The following CLSTN1 variants were observed in gnomAD, a reference collection of about 807,000 sequenced individuals.
CLSTN1 encodes calsyntenin-1.
CLSTN1 carries 28 observed loss-of-function variants against 108.3 expected under a neutral mutation model. The observed-to-expected ratio is 0.26, with a 90% CI of 0.19 to 0.35. The LOEUF (loss-of-function observed/expected upper bound fraction) is 0.35, where lower values mean the gene tolerates loss of function less well. Ranked by LOEUF, CLSTN1 falls within the 10% of genes least tolerant of loss-of-function variation. The probability of loss-of-function intolerance (pLI) is 1.00; values close to 1 mark genes in which losing one functional copy is unlikely to be tolerated. For synonymous variants in CLSTN1, 524 were observed against 534.9 expected (o/e 0.98, Z 0.28); for missense variants, 1,157 against 1,302.6 (o/e 0.89, Z 1.72).
intron 11 of CLSTN1, 97 bp downstream of exon 11, chr1:9,737,401 C>T: frequency 8.7e-7 from 1 of 1,149,274 alleles, no homozygotes; most frequent in African/African-American, 1.5e-5. Flanking sequence ...TGTCCAGGAC[C>T]AAAATGCAAC....
At chr1:9,773,171 G>C in intron 2 of CLSTN1, 101 bp downstream of exon 2, 2 of 1,492,976 alleles carry the variant, frequency 1.3e-6, no homozygotes, top group Non-Finnish European at 1.8e-6. Context: ...CTCAGCTATG[G>C]AGACATTTTC....
chr1:9,810,028 G>A (rs989529556), intron 1 of CLSTN1, among the ~76,000 whole-genome samples: 4 of 140,056 alleles, frequency 2.9e-5, no homozygotes, highest in African/African-American at 1.1e-4. Flanking sequence ...AACAGAGGGA[G>A]ACTCTGAGAA....
At chr1:9,797,437 CA>C (rs1260558179) in intron 1 of CLSTN1, among the ~76,000 whole-genome samples, 1 of 152,096 alleles carries the variant, frequency 6.6e-6, no homozygotes, top group Non-Finnish European at 1.5e-5. Context: ...AGTTCAAGAC[CA>C]ACCTGGTCAA....
rs1464177206 is a variant in CLSTN1 at position 9,741,153 on chromosome 1, T to C, written c.1460A>G (p.Asp487Gly). Residue 487 changes from aspartate to glycine, a missense_variant, in exon 10 of 19, where the codon GAT (aspartate) becomes GGT (glycine). Asp to Gly is a moderately conservative substitution (Grantham distance 94). Transcript: ENST00000377298. ...TATCTTGGATGGATGGAGCGGGTAA[T>C]CCTCAGTCACAGAGAAGGGCTCGTG... ...TSHEPFSVTEDYPLHPSKIET... is the reference protein window; with the variant it reads ...TSHEPFSVTEGYPLHPSKIET... 6.2e-7 allele frequency: 1 copy of C among 1,613,994 alleles called. No individual in the cohort carries two copies.
chr1:9,736,155 G>A lies in CLSTN1; in HGVS notation c.1577-113C>T, dbSNP rs1028454994. On this transcript the variant is annotated intron_variant, in intron 11 of 18. Coordinates refer to ENST00000377298, the MANE Select transcript of CLSTN1 (RefSeq NM_001009566.3). ...TGGCAGCTCAGTGGATGGACATGCG[G>A]GTTAGTTCATACCAAGTCCTGTTAG... The A allele has an allele frequency of 1.2e-5, 16 of 1,281,444 alleles. No homozygotes were observed. In the African/African-American group the frequency reaches 2.2e-4, roughly 17 times the overall value. The allele number at this position is 1,281,444 out of a possible 1,614,324, so 79.4% of individuals were successfully genotyped here.
At chr1:9,749,423 CA>C in intron 7 of CLSTN1, 37 bp downstream of exon 7, 1 of 1,573,320 alleles carries the variant, frequency 6.4e-7, no homozygotes, top group Non-Finnish European at 8.6e-7. Context: ...CCACCTTCAC[CA>C]AAGCCAGCCG....
At chr1:9,791,613 C>A (rs1017768504) in intron 1 of CLSTN1, among the ~76,000 whole-genome samples, 2 of 151,232 alleles carry the variant, frequency 1.3e-5, no homozygotes, top group African/African-American at 4.8e-5. Context: ...CTCACTGCAA[C>A]CTCCGCCTTC....
intron 1 of CLSTN1, among the ~76,000 whole-genome samples, chr1:9,779,235 A>G (rs1172292461): frequency 6.6e-6 from 1 of 152,112 alleles, no homozygotes; most frequent in Non-Finnish European, 1.5e-5. Flanking sequence ...TGAACACTTT[A>G]TCTAACCACT....
rs1202098241 is a variant in CLSTN1 at position 9,755,102 on chromosome 1, C to T, written c.440+12G>A. On this transcript the variant is annotated intron_variant, in intron 4 of 18. Coordinates refer to ENST00000377298, the MANE Select transcript of CLSTN1 (RefSeq NM_001009566.3). ...CGGTGGGTTATGTTCACTCTTTGTCCAGCTTACTTACTTATGAGACTTTTT... is the reference window on the plus strand; with the variant it reads ...CGGTGGGTTATGTTCACTCTTTGTCTAGCTTACTTACTTATGAGACTTTTT... The T allele has an allele frequency of 1.2e-6, 2 of 1,603,248 alleles. No homozygotes were observed. The highest frequency in any genetic ancestry group is 2.2e-5 in the East Asian group (1 of 44,582).
At chr1:9,794,613 A>G (rs934656513) in intron 1 of CLSTN1, among the ~76,000 whole-genome samples, 2 of 151,360 alleles carry the variant, frequency 1.3e-5, no homozygotes, top group African/African-American at 4.8e-5. Flanking sequence ...CTGGCCTTCA[A>G]TTAACTCTTA....
At chr1:9,742,881 G>C (rs1651050506) in intron 9 of CLSTN1, among the ~76,000 whole-genome samples, 1 of 151,856 alleles carries the variant, frequency 6.6e-6, no homozygotes, top group Non-Finnish European at 1.5e-5. Flanking sequence ...ACTCCAGCCT[G>C]GGCAACAAAG....
intron 4 of CLSTN1, among the ~76,000 whole-genome samples, chr1:9,753,917 A>T (rs1477510213): frequency 6.6e-6 from 1 of 151,994 alleles, no homozygotes; most frequent in African/African-American, 2.4e-5. Context: ...GGCTCAAGCA[A>T]TCCTCCCGCC....
chr1:9,805,124 G>GA lies in CLSTN1; in HGVS notation c.91+18518dup, dbSNP rs1654452148. ...GACAGAGCAAGACTCCTCTCAAAAA[G>GA]AAAAAAAAGAAAAGAAAGCAAGGGG... is the stretch of plus-strand genomic sequence containing the variant. On this transcript the variant is annotated intron_variant, in intron 1 of 18. Coordinates refer to ENST00000377298, the MANE Select transcript of CLSTN1 (RefSeq NM_001009566.3). Among the ~76,000 whole-genome samples the GA allele has an allele frequency of 2.6e-5, 4 of 151,402 alleles. 1 individual carries two copies. Among genetic ancestry groups the GA allele is most frequent in the African/African-American group, 7.3e-5 (3 of 41,308 alleles).
Position 9,773,323 on chromosome 1 carries a change from G to C in CLSTN1, c.163C>G (p.Leu55Val), listed in dbSNP as rs748810181. The C allele has an allele frequency of 4.2e-5, 68 of 1,614,050 alleles. No homozygotes were observed. The highest frequency in any genetic ancestry group is 2.2e-4 in the Admixed American group (13 of 60,002). ...TCCAGCGCGATCAGTGGGGGGTCGA[G>C]GAGCACGGTGTTGTCGTTCTCTGTG... ...IVTENDNTVL[L>V]DPPLIALDKD... The change falls in exon 2 of 19, where the codon CTC becomes GTC. Residue 55 changes from leucine to valine, a missense_variant. By Grantham distance (32) the Leu-to-Val change is conservative. Transcript: ENST00000377298.
chr1:9,764,877 G>A (rs1031894140), intron 2 of CLSTN1, among the ~76,000 whole-genome samples: 1 of 151,906 alleles, frequency 6.6e-6, no homozygotes, highest in African/African-American at 2.4e-5. Context: ...GGAAAACCTA[G>A]CATAGCTACC....
intron 1 of CLSTN1, among the ~76,000 whole-genome samples, chr1:9,816,675 T>C (rs1396214253): frequency 6.6e-6 from 1 of 152,042 alleles, no homozygotes; most frequent in African/African-American, 2.4e-5. Context: ...AGATGGAGTT[T>C]TGCTCTTGTT....
At chr1:9,760,878 G>A (rs1652040155) in intron 2 of CLSTN1, among the ~76,000 whole-genome samples, 2 of 151,778 alleles carry the variant, frequency 1.3e-5, no homozygotes, top group South Asian at 4.2e-4. Flanking sequence ...ATACGAAGGT[G>A]CAGCTCCACC....
intron 2 of CLSTN1, among the ~76,000 whole-genome samples, chr1:9,760,871 C>T (rs904046040): frequency 6.6e-5 from 10 of 151,830 alleles, no homozygotes; most frequent in Non-Finnish European, 1.0e-4. Context: ...CCATCACATA[C>T]GAAGGTGCAG....
intron 1 of CLSTN1, among the ~76,000 whole-genome samples, chr1:9,819,596 A>G (rs1355665395): frequency 6.6e-6 from 1 of 152,194 alleles, no homozygotes; most frequent in Admixed American, 6.5e-5. Context: ...AATAATTCCT[A>G]TAAAACTGCT....
Sources: allele counts gnomAD v4.1 joint callset (sites outside exome capture counted in the v4.1 genomes callset), GRCh38; gene constraint gnomAD v4.1.1; transcripts MANE v1.5; gene names NCBI Gene and HGNC (gene_info 2026-07-23, HGNC 2026-07-21).